The following GNB5 variants were observed in gnomAD, a reference collection of about 807,000 sequenced individuals.
The protein encoded by GNB5 is G protein subunit beta 5.
GNB5 carries 37 observed loss-of-function variants against 55.3 expected under a neutral mutation model. The observed-to-expected ratio is 0.67, with a 90% confidence interval of 0.51 to 0.88. The LOEUF (loss-of-function observed/expected upper bound fraction) is 0.88. Ranked by LOEUF, GNB5 falls within the 40% of genes least tolerant of loss-of-function variation. GNB5 has a pLI of 0.00. For synonymous variants in GNB5, 219 were observed against 198.5 expected (o/e 1.10, Z -0.87); for missense variants, 476 against 515.3 (o/e 0.92, Z 0.74).
chr15:52,153,876 T>G, intron 4 of GNB5, 64 bp downstream of exon 4: 5 of 1,408,658 alleles, frequency 3.5e-6, no homozygotes, highest in African/African-American at 1.4e-5. Flanking sequence ...AAGGGACAGC[T>G]CTCCTCCCCC....
At position 52,179,871 on chromosome 15, in the gene GNB5, G is replaced by A. The variant is rs772009012; in HGVS notation, c.135C>T (p.Thr45=). Residue 45 remains threonine (T), a synonymous_variant, in exon 3 of 13, where the codon ACC becomes ACT. Transcript: ENST00000261837. ...YCSTCAEIMA[T]EGLHENETLA... is the part of the protein sequence containing the mutation. ...GCGTCTCGTTCTCGTGCAGCCCCTC[G>A]GTTGCCATCTTCGCGCGGGGACGCA... The A allele has an allele frequency of 1.9e-6, 3 of 1,543,512 alleles. No homozygotes were observed. Among genetic ancestry groups the A allele is most frequent in the Non-Finnish European group, 2.6e-6 (3 of 1,146,160 alleles).
Position 52,121,308 on chromosome 15 carries a change from G to T in GNB5, c.*1449C>A, listed in dbSNP as rs545796744. 6.6e-6 allele frequency: 1 copy of T among 152,262 alleles called. No individual in the cohort carries two copies. Among genetic ancestry groups the T allele is most frequent in the Non-Finnish European group, 1.5e-5 (1 of 68,080 alleles). 9.4% of individuals were successfully genotyped at this position (152,262 alleles called of 1,614,324 possible). On this transcript the variant is annotated 3_prime_UTR_variant, in exon 13 of 13. Transcript: ENST00000261837. ...CCACCGACGAGGCAGGCCTCACCAG[G>T]AATGACACCTGGTGTCTGAGGTGAC... is the stretch of plus-strand genomic sequence containing the variant.
chr15:52,184,425 C>T, intron 2 of GNB5, 126 bp downstream of exon 2: 2 of 786,078 alleles, frequency 2.5e-6, no homozygotes, highest in Non-Finnish European at 4.2e-6. Context: ...TATACTGCCT[C>T]ACCAAGCCCA....
chr15:52,149,283 T>C (rs538799855), intron 5 of GNB5: 2 of 154,328 alleles, frequency 1.3e-5, no homozygotes, highest in African/African-American at 4.8e-5. Flanking sequence ...TCTTATTTAA[T>C]ACACAATACT....
chr15:52,154,351 TAAC>T (rs1441735611), intron 3 of GNB5, among the ~76,000 whole-genome samples: 3 of 152,184 alleles, frequency 2.0e-5, no homozygotes, highest in African/African-American at 7.2e-5. Context: ...GTTGAGGGAT[TAAC>T]AACAAGACCA....
rs76687921 is a variant in GNB5, at chr15:52,154,377, A to T, written c.239-301T>A. 0.011 allele frequency among the ~76,000 whole-genome samples: 1,696 copies of T among 152,308 alleles called. 24 individuals are homozygous for T. Among genetic ancestry groups the T allele is most frequent in the African/African-American group, 0.039 (1,627 of 41,540 alleles). The stretch of plus-strand genomic sequence containing the variant: ...AACAACAAGACCACCTCATATTCAT[A>T]AAGCACTACATAAAATTATTCCCTT... On this transcript the variant is annotated intron_variant, in intron 3 of 12. Coordinates refer to ENST00000261837, the MANE Select transcript of GNB5 (RefSeq NM_016194.4).
chr15:52,161,693 C>A (rs1003736463), intron 3 of GNB5, among the ~76,000 whole-genome samples: 5 of 152,222 alleles, frequency 3.3e-5, no homozygotes, highest in African/African-American at 1.2e-4. Context: ...GCTTGGCAGC[C>A]ACTTGGCTGG....
At chr15:52,136,856 A>G (rs1458238386) in intron 7 of GNB5, 1 of 371,492 alleles carries the variant, frequency 2.7e-6, no homozygotes, top group African/African-American at 2.1e-5. Context: ...CAATTCTGGG[A>G]CCAGGCCAAC....
intron 3 of GNB5, among the ~76,000 whole-genome samples, chr15:52,176,355 A>T (rs2034650594): frequency 6.6e-6 from 1 of 152,240 alleles, no homozygotes; most frequent in Non-Finnish European, 1.5e-5. Flanking sequence ...CTGCTCGCTC[A>T]TCGCACAGAT....
At chr15:52,125,752 A>G in intron 11 of GNB5, 196 bp downstream of exon 11, 1 of 559,684 alleles carries the variant, frequency 1.8e-6, no homozygotes, top group Non-Finnish European at 3.2e-6. Flanking sequence ...TTCCCCCTGG[A>G]GTGAAGTTGC....
intron 9 of GNB5, among the ~76,000 whole-genome samples, chr15:52,131,079 G>A (rs1566933729): frequency 6.6e-6 from 1 of 152,198 alleles, no homozygotes; most frequent in Non-Finnish European, 1.5e-5. Context: ...GCCCACCTCG[G>A]CCTCCCAAAG....
intron 7 of GNB5, chr15:52,140,311 G>C (rs1443566973): frequency 6.5e-6 from 1 of 154,996 alleles, no homozygotes; most frequent in East Asian, 1.9e-4. Context: ...ACAGGGTCCA[G>C]CCCAGGCACT....
chr15:52,166,113 A>C (rs190414106), intron 3 of GNB5, among the ~76,000 whole-genome samples: 1 of 152,256 alleles, frequency 6.6e-6, no homozygotes, highest in South Asian at 2.1e-4. Context: ...ACATAATGGT[A>C]AAGTGTTCAA....
At position 52,179,895 on chromosome 15, in the gene GNB5, CAGCGGAGAGGGA is replaced by C. The variant is rs747637539; in HGVS notation, c.127-28_127-17del. ...CGGTTGCCATCTTCGCGCGGGGACG[CAGCGGAGAGGGA>C]AGCGGAGAGCGGGAATGCGCTGAGC... is the stretch of plus-strand genomic sequence containing the variant. On this transcript the variant is annotated splice_polypyrimidine_tract_variant and intron_variant, in intron 2 of 12. Transcript: ENST00000261837. 85 of 1,516,652 alleles carry C rather than the reference CAGCGGAGAGGGA, an allele frequency of 5.6e-5. No individual in the cohort carries two copies. The highest frequency in any genetic ancestry group is 3.5e-4 in the Middle Eastern group (2 of 5,778). The allele number at this position is 1,516,652 out of a possible 1,614,324, so 93.9% of individuals were successfully genotyped here. A position where few individuals can be genotyped will look rare whatever the true frequency, so the allele number is the denominator to read the frequency against.
At chr15:52,139,506 A>G (rs192783062) in intron 7 of GNB5, 6 of 161,944 alleles carry the variant, frequency 3.7e-5, no homozygotes, top group African/African-American at 1.4e-4. Context: ...GCTTACTGAT[A>G]TTTACCAGGG....
intron 7 of GNB5, 96 bp from the exon 8 acceptor site, chr15:52,135,852 A>AACGAACACAC (rs762660161): frequency 1.1e-5 from 6 of 552,422 alleles, no homozygotes; most frequent in Non-Finnish European, 1.5e-5. Context: ...GGAAAAGCAG[A>AACGAACACAC]ACACACACAC....
chr15:52,126,026 G>T lies in GNB5; in HGVS notation c.931C>A (p.Arg311=). 1 of 1,571,600 alleles carries T rather than the reference G, an allele frequency of 6.4e-7. No homozygotes were observed. Among genetic ancestry groups the T allele is most frequent in the Non-Finnish European group, 8.7e-7 (1 of 1,144,436 alleles). Residue 311 remains arginine (R), a synonymous_variant, in exon 11 of 13, where the codon CGG becomes AGG. Coordinates refer to ENST00000261837, the MANE Select transcript of GNB5 (RefSeq NM_016194.4). ...DDATCRLYDL[R]ADREVAIYSK... ...TAGATGGCAACCTCCCTATCTGCCC[G>T]CAGGTCATAGAGGCGACACTGGGGA... is the stretch of plus-strand genomic sequence containing the variant.
chr15:52,173,613 A>G (rs2034593484), intron 3 of GNB5, among the ~76,000 whole-genome samples: 1 of 152,230 alleles, frequency 6.6e-6, no homozygotes, highest in Non-Finnish European at 1.5e-5. Flanking sequence ...TGGAAGAGGT[A>G]GACGGAACTA....
chr15:52,131,313 A>T (rs1453148508), intron 9 of GNB5, among the ~76,000 whole-genome samples: 1 of 152,224 alleles, frequency 6.6e-6, no homozygotes, highest in African/African-American at 2.4e-5. Context: ...TCGCATTTAC[A>T]CTTACTAGAT....
Sources: gnomAD v4.1 joint callset for allele counts (sites outside exome capture counted in the v4.1 genomes callset) on GRCh38, gnomAD v4.1.1 for gene constraint, MANE v1.5 for transcripts, NCBI Gene and HGNC (gene_info 2026-07-23, HGNC 2026-07-21) for gene names.